Variants in ASPH observed in about 807,000 individuals in gnomAD.
ASPH encodes aspartate beta-hydroxylase.
ASPH carries 100 observed loss-of-function variants against 118.4 expected under a neutral mutation model. The ratio of observed to expected loss-of-function variants is 0.84; its 90% CI spans 0.72 to 1.00. The LOEUF (loss-of-function observed/expected upper bound fraction) is 1.00. Ranked by LOEUF, ASPH falls within the 50% of genes least tolerant of loss-of-function variation. The pLI, the probability that ASPH is intolerant of heterozygous loss-of-function variation, is 0.00. For missense variants in ASPH, 920 were observed against 919.5 expected (o/e 1.00, Z -0.01); for synonymous variants, 315 against 325.6 (o/e 0.97, Z 0.35).
chr8:61,644,451 A>G, intron 7 of ASPH, 149 bp downstream of exon 7: 1 of 597,412 alleles, frequency 1.7e-6, no homozygotes, highest in Non-Finnish European at 2.5e-6. Flanking sequence ...AAGAAATACC[A>G]TAAATATAAG....
At chr8:61,559,215 T>C (rs1478298174) in intron 18 of ASPH, among the ~76,000 whole-genome samples, 3 of 152,230 alleles carry the variant, frequency 2.0e-5, no homozygotes, top group African/African-American at 7.2e-5. Flanking sequence ...TAAAATAACA[T>C]GTTCTTTTCT....
chr8:61,639,201 T>A (rs1296070128), intron 10 of ASPH, among the ~76,000 whole-genome samples: 1 of 152,144 alleles, frequency 6.6e-6, no homozygotes, highest in Admixed American at 6.5e-5. Flanking sequence ...CTCAAGCTTC[T>A]AAGAACTTAA....
intron 3 of ASPH, chr8:61,662,793 A>G: frequency 1.0e-6 from 1 of 954,448 alleles, no homozygotes; most frequent in Non-Finnish European, 1.2e-6. Context: ...CTAACAGTCA[A>G]AGGAAAAATC....
chr8:61,514,975 GGAA>G (rs1001068883), intron 24 of ASPH, among the ~76,000 whole-genome samples: 7 of 150,354 alleles, frequency 4.7e-5, no homozygotes, highest in African/African-American at 1.7e-4. Context: ...GGACAGGGAG[GGAA>G]GGAGGGAGGG....
intron 24 of ASPH, among the ~76,000 whole-genome samples, chr8:61,514,622 T>C (rs1432995748): frequency 1.3e-5 from 2 of 151,700 alleles, no homozygotes; most frequent in Non-Finnish European, 2.9e-5. Flanking sequence ...GGCAGGAAAA[T>C]AGTGTGAACC....
At chr8:61,529,599 T>C (rs1816813854) in intron 21 of ASPH, among the ~76,000 whole-genome samples, 1 of 152,196 alleles carries the variant, frequency 6.6e-6, no homozygotes. Context: ...TCACGTAATA[T>C]AATATTCACA....
At chr8:61,662,215 G>C (rs560703059) in intron 3 of ASPH, among the ~76,000 whole-genome samples, 1 of 152,116 alleles carries the variant, frequency 6.6e-6, no homozygotes, top group Non-Finnish European at 1.5e-5. Context: ...AATGTGAAAT[G>C]TTATCTTTTT....
chr8:61,578,945 A>G lies in ASPH; in HGVS notation c.1063-2087T>C, dbSNP rs1002366687. 16 of 1,611,468 alleles carry G rather than the reference A, an allele frequency of 9.9e-6. No individual in the cohort carries two copies. The Admixed American group carries it at 1.2e-4, about 12-fold the overall frequency. ...AGCTGCAGTCCCAGATCTCGGACAC[A>G]TCTGTGGTGCTGTCCATGGACAACA... is the stretch of plus-strand genomic sequence containing the variant. On this transcript the variant is annotated intron_variant, in intron 15 of 24. Coordinates refer to ENST00000379454, the MANE Select transcript of ASPH (RefSeq NM_004318.4).
At chr8:61,584,982 C>T (rs546823763) in intron 14 of ASPH, among the ~76,000 whole-genome samples, 1 of 152,346 alleles carries the variant, frequency 6.6e-6, no homozygotes, top group South Asian at 2.1e-4. Flanking sequence ...GTCTTTAAGT[C>T]CACTGCACCC....
At chr8:61,538,284 ATTG>A (rs1161903649) in intron 21 of ASPH, among the ~76,000 whole-genome samples, 1 of 152,172 alleles carries the variant, frequency 6.6e-6, no homozygotes, top group Non-Finnish European at 1.5e-5. Context: ...CCACACTCCA[ATTG>A]TTGTTTTGTT....
At chr8:61,610,500 T>A (rs1341222429) in intron 14 of ASPH, among the ~76,000 whole-genome samples, 1 of 152,230 alleles carries the variant, frequency 6.6e-6, no homozygotes, top group Non-Finnish European at 1.5e-5. Flanking sequence ...AACTTATCTG[T>A]GGAAGTAATC....
intron 3 of ASPH, among the ~76,000 whole-genome samples, chr8:61,654,821 T>C (rs77638567): frequency 6.6e-6 from 1 of 152,144 alleles, no homozygotes; most frequent in African/African-American, 2.4e-5. Flanking sequence ...TACAGTTGTG[T>C]TCTATACCTA....
chr8:61,687,712 A>AGGAC (rs1831082004), intron 1 of ASPH: 2 of 152,236 alleles, frequency 1.3e-5, no homozygotes, highest in African/African-American at 4.8e-5. Flanking sequence ...TGCCATTAAA[A>AGGAC]CATAGAAGAA....
Position 61,624,609 on chromosome 8 carries a change from G to A in ASPH, c.935-5590C>T, listed in dbSNP as rs192300234. On this transcript the variant is annotated intron_variant, in intron 13 of 24. Transcript: ENST00000379454. ...TTACATTATTTTTAGAAAATCCACC[G>A]ATGTTGCACAATGGCACATATTTGT... 2.4e-3 allele frequency: 2,378 copies of A among 985,184 alleles called. 6 individuals are homozygous for A. Among genetic ancestry groups the A allele is most frequent in the Non-Finnish European group, 2.6e-3 (2,170 of 829,818 alleles). 61.0% of individuals were successfully genotyped at this position (985,184 alleles called of 1,614,324 possible).
intron 21 of ASPH, 103 bp from the exon 22 acceptor site, chr8:61,526,215 T>A: frequency 6.9e-7 from 1 of 1,448,054 alleles, no homozygotes; most frequent in South Asian, 1.3e-5. Flanking sequence ...AGGAACTAAT[T>A]CTTTGCCTTA....
chr8:61,700,638 C>T (rs1161530046), intron 1 of ASPH, among the ~76,000 whole-genome samples: 1 of 152,168 alleles, frequency 6.6e-6, no homozygotes, highest in Non-Finnish European at 1.5e-5. Flanking sequence ...TTCTGACCCA[C>T]AAAAATGGCT....
At chr8:61,565,544 C>T (rs1831390875) in intron 17 of ASPH, among the ~76,000 whole-genome samples, 1 of 152,064 alleles carries the variant, frequency 6.6e-6, no homozygotes, top group African/African-American at 2.4e-5. Flanking sequence ...AAAACATCTC[C>T]ATAAGATAAA....
intron 21 of ASPH, among the ~76,000 whole-genome samples, chr8:61,540,871 T>A (rs1425500124): frequency 2.0e-5 from 3 of 152,038 alleles, no homozygotes; most frequent in African/African-American, 7.3e-5. Flanking sequence ...GGTGGGTGGA[T>A]CGCTTGAGCT....
chr8:61,675,368 A>T, intron 3 of ASPH: 1 of 969,756 alleles, frequency 1.0e-6, no homozygotes, highest in African/African-American at 1.8e-5. Context: ...CTCTGGATGT[A>T]TATTTGGAAA....
Sources: gnomAD v4.1 joint callset for allele counts (sites outside exome capture counted in the v4.1 genomes callset) on GRCh38, gnomAD v4.1.1 for gene constraint, MANE v1.5 for transcripts, NCBI Gene and HGNC (gene_info 2026-07-23, HGNC 2026-07-21) for gene names.